The following PCDH15 variants were observed in gnomAD, a reference collection of about 807,000 sequenced individuals.
The protein encoded by PCDH15 is protocadherin related 15, also known as protocadherin-15.
In PCDH15, 129 loss-of-function variants were observed where a neutral mutation model predicts 178.5. That is an observed-to-expected ratio of 0.72 (90% CI 0.63 to 0.84). PCDH15 has a LOEUF of 0.84. Ranked by LOEUF, PCDH15 falls within the 40% of genes least tolerant of loss-of-function variation. PCDH15 has a pLI of 0.00. For missense variants in PCDH15, 2,230 were observed against 2,099.9 expected (o/e 1.06, Z -1.21); for synonymous variants, 800 against 732.0 (o/e 1.09, Z -1.50).
At chr10:54,591,624 ATAAC>A (rs2133941589) in intron 2 of PCDH15, among the ~76,000 whole-genome samples, 1 of 152,322 alleles carries the variant, frequency 6.6e-6, no homozygotes, top group South Asian at 2.1e-4. Flanking sequence ...ACAGCAGTAG[ATAAC>A]TAATACAGCT....
chr10:54,887,934 A>G (rs1040241047), intron 3 of PCDH15, among the ~76,000 whole-genome samples: 4 of 152,118 alleles, frequency 2.6e-5, no homozygotes, highest in Non-Finnish European at 1.5e-5. Context: ...GCTCTCCCAC[A>G]ATCAAAGTTT....
chr10:55,516,060 C>T (rs1382289848), intron 2 of PCDH15, among the ~76,000 whole-genome samples: 1 of 152,070 alleles, frequency 6.6e-6, no homozygotes, highest in Non-Finnish European at 1.5e-5. Context: ...TTGGCTTCTG[C>T]ATGCCTTGTT....
At chr10:54,205,516 T>TGTGTGTGTG (rs2050711234) in intron 10 of PCDH15, among the ~76,000 whole-genome samples, 1 of 150,476 alleles carries the variant, frequency 6.6e-6, no homozygotes, top group Non-Finnish European at 1.5e-5. Flanking sequence ...TGTGTGTGTG[T>TGTGTGTGTG]AAAATGTCTT....
At chr10:54,542,847 A>G (rs1393101053) in intron 2 of PCDH15, among the ~76,000 whole-genome samples, 1 of 152,104 alleles carries the variant, frequency 6.6e-6, no homozygotes, top group Non-Finnish European at 1.5e-5. Flanking sequence ...CAAATGTTGC[A>G]TTTTCCAAGA....
chr10:54,504,023 T>C (rs1054458131), intron 3 of PCDH15, among the ~76,000 whole-genome samples: 1 of 152,120 alleles, frequency 6.6e-6, no homozygotes, highest in African/African-American at 2.4e-5. Flanking sequence ...GAAGAACTGT[T>C]AGTTCTTAGC....
chr10:54,021,944 T>C lies in PCDH15; in HGVS notation c.2526+948A>G, dbSNP rs147752139. ...ATAAATAACTTAACTAATTAATTAA[T>C]TGACAGATGAATGGTGGAATAGATG... On this transcript the variant is annotated intron_variant, in intron 19 of 37. Transcript: ENST00000644397. Among the ~76,000 whole-genome samples the C allele has an allele frequency of 3.4e-4, 52 of 152,084 alleles. No homozygotes were observed. The East Asian group carries it at 7.9e-3, about 23-fold the overall frequency.
intron 2 of PCDH15, among the ~76,000 whole-genome samples, chr10:55,339,837 G>A (rs1420489307): frequency 6.6e-6 from 1 of 151,830 alleles, no homozygotes; most frequent in Non-Finnish European, 1.5e-5. Flanking sequence ...TCAGTATTAA[G>A]CCAAGTATAA....
In PCDH15 at chr10:53,806,968, C is replaced by T. The variant is rs761034639; in HGVS notation, c.4834G>A (p.Val1612Met). Residue 1612 changes from valine (V) to methionine (M), a missense_variant, in exon 38 of 38, where the codon GTG (valine) becomes ATG (methionine). Transcript: ENST00000644397. ...GTGAGGCAGGCACGGCGGGTTCTCA[C>T]CACAGAACCATTCTGTGCAATATAT... Reference protein sequence around the residue: ...NIYIAQNGSVVRTRRACLTDN... With the variant: ...NIYIAQNGSVMRTRRACLTDN... 1.2e-6 allele frequency: 2 copies of T among 1,613,758 alleles called. No individual in the cohort carries two copies. The highest frequency in any genetic ancestry group is 1.1e-5 in the South Asian group (1 of 91,082).
intron 1 of PCDH15, among the ~76,000 whole-genome samples, chr10:54,780,350 C>A (rs948657848): frequency 6.6e-6 from 1 of 152,174 alleles, no homozygotes; most frequent in Non-Finnish European, 1.5e-5. Context: ...ATCTTTGGGA[C>A]ATGGTGAGAG....
chr10:55,503,361 T>C (rs1840695992), intron 2 of PCDH15, among the ~76,000 whole-genome samples: 1 of 148,516 alleles, frequency 6.7e-6, no homozygotes, highest in Admixed American at 6.8e-5. Flanking sequence ...AATTTAAATA[T>C]AAAATAAATA....
At chr10:55,132,097 C>T (rs1318970254) in intron 2 of PCDH15, among the ~76,000 whole-genome samples, 1 of 152,162 alleles carries the variant, frequency 6.6e-6, no homozygotes, top group African/African-American at 2.4e-5. Flanking sequence ...GGAATGAGTT[C>T]AGCCAGCTCC....
intron 2 of PCDH15, among the ~76,000 whole-genome samples, chr10:55,619,990 T>G (rs1238868401): frequency 6.6e-6 from 1 of 152,048 alleles, no homozygotes; most frequent in Non-Finnish European, 1.5e-5. Flanking sequence ...TGGGTAGGAG[T>G]ACTATTCCTT....
At chr10:54,662,426 C>A (rs146865499) in intron 2 of PCDH15, among the ~76,000 whole-genome samples, 46 of 151,972 alleles carry the variant, frequency 3.0e-4, no homozygotes, top group African/African-American at 1.1e-3. Flanking sequence ...TAAACCACAA[C>A]ATAAACTGTG....
chr10:54,064,864 C>T (rs1288236704), intron 18 of PCDH15, among the ~76,000 whole-genome samples: 1 of 152,170 alleles, frequency 6.6e-6, no homozygotes, highest in Non-Finnish European at 1.5e-5. Context: ...CCTAGGTCTG[C>T]AGCCACAGCT....
At chr10:53,892,020 GTTTTTT>G (rs869122093) in intron 26 of PCDH15, among the ~76,000 whole-genome samples, 6 of 91,864 alleles carry the variant, frequency 6.5e-5, no homozygotes, top group African/African-American at 1.3e-4. Flanking sequence ...TTACATCTAT[GTTTTTT>G]TTTTTTTTTT....
chr10:54,675,830 C>A (rs1207669480), intron 1 of PCDH15, among the ~76,000 whole-genome samples: 4 of 152,098 alleles, frequency 2.6e-5, no homozygotes, highest in Non-Finnish European at 4.4e-5. Context: ...CGGAGCCCAG[C>A]AAATAGCTTA....
At chr10:54,129,762 A>C (rs764980249) in intron 15 of PCDH15, among the ~76,000 whole-genome samples, 29 of 152,194 alleles carry the variant, frequency 1.9e-4, no homozygotes, top group Admixed American at 2.0e-4. Flanking sequence ...GGTCTTATGG[A>C]ACCCTTTGTA....
chr10:54,570,337 T>C (rs1178571620), intron 2 of PCDH15, among the ~76,000 whole-genome samples: 1 of 152,220 alleles, frequency 6.6e-6, no homozygotes, highest in Non-Finnish European at 1.5e-5. Context: ...ATCTAGTTTT[T>C]AGGTTTAAAT....
intron 1 of PCDH15, among the ~76,000 whole-genome samples, chr10:55,289,064 T>C (rs913209179): frequency 1.3e-5 from 2 of 152,048 alleles, no homozygotes; most frequent in African/African-American, 4.8e-5. Context: ...AAAGTACCAA[T>C]CAAATGAAAT....
Sources: allele counts gnomAD v4.1 joint callset (sites outside exome capture counted in the v4.1 genomes callset), GRCh38; gene constraint gnomAD v4.1.1; transcripts MANE v1.5; gene names NCBI Gene and HGNC (gene_info 2026-07-23, HGNC 2026-07-21).